Variants in VCPIP1 observed in about 807,000 individuals in gnomAD.
VCPIP1 encodes the protein deubiquitinating protein VCPIP1.
A neutral mutation model predicts 85.0 loss-of-function variants in VCPIP1; 8 were observed. The observed-to-expected ratio is 0.09, with a 90% confidence interval of 0.06 to 0.17. The LOEUF is 0.17. VCPIP1 is among the 10% of genes least tolerant of loss of function. The probability of loss-of-function intolerance (pLI) is 1.00; values close to 1 mark genes in which losing one functional copy is unlikely to be tolerated. For synonymous variants in VCPIP1, 543 were observed against 544.5 expected (o/e 1.00, Z 0.04); for missense variants, 1,070 against 1,486.3 (o/e 0.72, Z 4.61).
chr8:66,654,301 C>G (rs1160583631), intron 1 of VCPIP1, among the ~76,000 whole-genome samples: 1 of 152,222 alleles, frequency 6.6e-6, no homozygotes, highest in Non-Finnish European at 1.5e-5. Context: ...CAAGGTGAAA[C>G]TCCGTCTCTA....
rs1436037823 is a variant in VCPIP1, at chr8:66,630,758, C to T, written c.*3743G>A. On this transcript the variant is annotated 3_prime_UTR_variant, in exon 3 of 3. Transcript: ENST00000310421. ...TTTGGAACAAACATTAAAATTCCCA[C>T]GATTTAAGTATCATTAAATATGAAC... The T allele has an allele frequency of 2.6e-5, 4 of 152,438 alleles. No homozygotes were observed. The highest frequency in any genetic ancestry group is 9.7e-5 in the African/African-American group (4 of 41,370). 9.4% of individuals were successfully genotyped at this position (152,438 alleles called of 1,614,324 possible).
At chr8:66,642,487 AT>A (rs747933609) in intron 2 of VCPIP1, among the ~76,000 whole-genome samples, 7 of 152,118 alleles carry the variant, frequency 4.6e-5, no homozygotes, top group Non-Finnish European at 1.0e-4. Context: ...ATTATGCCTA[AT>A]CCAAGGTCAA....
chr8:66,655,022 T>C (rs184448963), intron 1 of VCPIP1, among the ~76,000 whole-genome samples: 1 of 152,326 alleles, frequency 6.6e-6, no homozygotes, highest in East Asian at 1.9e-4. Flanking sequence ...TTACGTATCA[T>C]TTAAAACTCA....
chr8:66,661,909 T>A (rs953866274), intron 1 of VCPIP1, among the ~76,000 whole-genome samples: 2 of 150,324 alleles, frequency 1.3e-5, no homozygotes, highest in Non-Finnish European at 3.0e-5. Context: ...GACTACAGGC[T>A]CCTGCCACCA....
At chr8:66,636,752 A>C (rs1180500048) in intron 2 of VCPIP1, among the ~76,000 whole-genome samples, 6 of 151,950 alleles carry the variant, frequency 3.9e-5, no homozygotes, top group African/African-American at 1.2e-4. Context: ...TAAAAAAAAA[A>C]AAATTCAGAT....
At chr8:66,653,353 A>G (rs768179039) in intron 1 of VCPIP1, 1 of 152,202 alleles carries the variant, frequency 6.6e-6, no homozygotes, top group Admixed American at 6.5e-5. Flanking sequence ...GTTATTGTCA[A>G]TGTTGTCCTA....
At chr8:66,657,472 A>G (rs896582825) in intron 1 of VCPIP1, among the ~76,000 whole-genome samples, 1 of 152,230 alleles carries the variant, frequency 6.6e-6, no homozygotes, top group Non-Finnish European at 1.5e-5. Flanking sequence ...CCTCACGTTT[A>G]AAAGTTTATC....
At chr8:66,638,995 T>C (rs1472672970) in intron 2 of VCPIP1, among the ~76,000 whole-genome samples, 1 of 149,830 alleles carries the variant, frequency 6.7e-6, no homozygotes, top group East Asian at 1.9e-4. Context: ...TACATATATT[T>C]TGTGGGGGAC....
chr8:66,641,321 A>T (rs1486135220), intron 2 of VCPIP1, among the ~76,000 whole-genome samples: 1 of 152,234 alleles, frequency 6.6e-6, no homozygotes, highest in East Asian at 1.9e-4. Context: ...TATAGTTCAC[A>T]TACAATTCAC....
At chr8:66,644,172 T>C (rs1278665799) in intron 2 of VCPIP1, among the ~76,000 whole-genome samples, 1 of 152,214 alleles carries the variant, frequency 6.6e-6, no homozygotes, top group Non-Finnish European at 1.5e-5. Context: ...ACTGGTGAAT[T>C]CTACCAGTTA....
chr8:66,635,475 T>G (rs949314163), intron 2 of VCPIP1, 103 bp from the exon 3 acceptor site: 2 of 1,198,726 alleles, frequency 1.7e-6, no homozygotes, highest in Admixed American at 3.0e-5. Flanking sequence ...AATAACAATT[T>G]ACAGATAACA....
intron 1 of VCPIP1, chr8:66,653,484 A>T (rs1811072165): frequency 6.6e-6 from 1 of 152,178 alleles, no homozygotes; most frequent in South Asian, 2.1e-4. Context: ...GTCTAAAGGT[A>T]GTGAGTTATC....
Position 66,638,970 on chromosome 8 carries a change from C to CTATA in VCPIP1, c.2798-3602_2798-3599dup, listed in dbSNP as rs1554584185. On this transcript the variant is annotated intron_variant, in intron 2 of 2. Coordinates refer to ENST00000310421, the MANE Select transcript of VCPIP1 (RefSeq NM_025054.5). ...TCTCTCTCTCTCTCTCTCTCTCTCT[C>CTATA]TATATATATATATATACATATATTT... 1.4e-3 allele frequency among the ~76,000 whole-genome samples: 163 copies of CTATA among 118,420 alleles called. 1 individual carries two copies. The highest frequency in any genetic ancestry group is 5.0e-3 in the Admixed American group (58 of 11,700). 77.7% of individuals were successfully genotyped at this position (118,420 alleles called of 152,430 possible). A position where few individuals can be genotyped will look rare whatever the true frequency, so the allele number is the denominator to read the frequency against.
intron 1 of VCPIP1, among the ~76,000 whole-genome samples, chr8:66,657,260 T>C (rs763483904): frequency 1.3e-5 from 2 of 152,212 alleles, no homozygotes; most frequent in Non-Finnish European, 2.9e-5. Flanking sequence ...TGAACTCAAC[T>C]ATTTATGACC....
intron 1 of VCPIP1, 127 bp from the exon 2 acceptor site, chr8:66,651,671 C>T (rs563582557): frequency 6.4e-5 from 41 of 638,172 alleles, no homozygotes; most frequent in South Asian, 2.2e-4. Context: ...CAGCCTGACA[C>T]GCCATAGAGG....
At chr8:66,640,743 G>T (rs1810938982) in intron 2 of VCPIP1, among the ~76,000 whole-genome samples, 1 of 152,020 alleles carries the variant, frequency 6.6e-6, no homozygotes, top group African/African-American at 2.4e-5. Context: ...GTTTGGCCGG[G>T]GACAGCTGAA....
Position 66,667,185 on chromosome 8 carries a change from A to G in VCPIP1, c.-227T>C. The stretch of plus-strand genomic sequence containing the variant: ...CCCCGAACGTAACGGCCACCACCCC[A>G]CCCCGCACTCACACTCACTCACTCT... On this transcript the variant is annotated 5_prime_UTR_variant, in exon 1 of 3. Coordinates refer to ENST00000310421, the MANE Select transcript of VCPIP1 (RefSeq NM_025054.5). 1 of 838,582 alleles carries G rather than the reference A, an allele frequency of 1.2e-6. No homozygotes were observed. The highest frequency in any genetic ancestry group is 1.7e-6 in the Non-Finnish European group (1 of 584,332). The allele number at this position is 838,582 out of a possible 1,614,324, so 51.9% of individuals were successfully genotyped here.
chr8:66,667,016 C>A lies in VCPIP1; in HGVS notation c.-58G>T. 1 of 1,452,216 alleles carries A rather than the reference C, an allele frequency of 6.9e-7. No individual in the cohort carries two copies. The highest frequency in any genetic ancestry group is 9.0e-7 in the Non-Finnish European group (1 of 1,106,698). The allele number at this position is 1,452,216 out of a possible 1,614,324, so 90.0% of individuals were successfully genotyped here. Reference sequence around the variant, plus strand: ...CAGGCGACCCTCAAAAGCTCATAGCCCAGACCCCCACCAACCCGACTCGGT... The same window carrying A: ...CAGGCGACCCTCAAAAGCTCATAGCACAGACCCCCACCAACCCGACTCGGT... On this transcript the variant is annotated 5_prime_UTR_variant, in exon 1 of 3. Coordinates refer to ENST00000310421, the MANE Select transcript of VCPIP1 (RefSeq NM_025054.5).
chr8:66,649,248 C>T (rs1415707320), intron 2 of VCPIP1, among the ~76,000 whole-genome samples: 3 of 151,858 alleles, frequency 2.0e-5, no homozygotes, highest in African/African-American at 4.8e-5. Context: ...TGTAATCTGT[C>T]GCTTGTAATC....
Sources: gnomAD v4.1 joint callset for allele counts (sites outside exome capture counted in the v4.1 genomes callset) on GRCh38, gnomAD v4.1.1 for gene constraint, MANE v1.5 for transcripts, NCBI Gene and HGNC (gene_info 2026-07-23, HGNC 2026-07-21) for gene names.